Variants in SNX29 observed in about 807,000 individuals in gnomAD.
SNX29 encodes sorting nexin-29.
A neutral mutation model predicts 102.1 loss-of-function variants in SNX29; 78 were observed. The ratio of observed to expected loss-of-function variants is 0.76; its 90% CI spans 0.64 to 0.92. The LOEUF (loss-of-function observed/expected upper bound fraction) is 0.92. SNX29 is among the 40% of genes least tolerant of loss of function. SNX29 has a pLI of 0.00. For synonymous variants in SNX29, 580 were observed against 414.5 expected (o/e 1.40, Z -4.85); for missense variants, 1,280 against 1,061.7 (o/e 1.21, Z -2.86).
At chr16:12,397,810 T>C (rs953349628) in intron 16 of SNX29, among the ~76,000 whole-genome samples, 8 of 152,210 alleles carry the variant, frequency 5.3e-5, no homozygotes, top group Non-Finnish European at 1.0e-4. Flanking sequence ...GGGGGTCACG[T>C]GCACCTTTGA....
intron 19 of SNX29, among the ~76,000 whole-genome samples, chr16:12,514,755 C>G (rs543755691): frequency 5.9e-5 from 9 of 152,206 alleles, no homozygotes; most frequent in African/African-American, 2.2e-4. Context: ...ATCCCTCCTA[C>G]TCGGGAGGCT....
At position 12,464,315 on chromosome 16, in the gene SNX29, TTATC is replaced by T. The variant is rs1423678922; in HGVS notation, c.2038-13403_2038-13400del. Among the ~76,000 whole-genome samples, 5 of 152,288 alleles carry T rather than the reference TTATC, an allele frequency of 3.3e-5. No homozygotes were observed. In the East Asian group the frequency reaches 9.7e-4, roughly 29 times the overall value. ...AATATATAGACACACCACATTTTCT[TTATC>T]CATTCATCTGTTGACAGACACCTAG... On this transcript the variant is annotated intron_variant, in intron 18 of 20. Coordinates refer to ENST00000566228, the MANE Select transcript of SNX29 (RefSeq NM_032167.5).
intron 3 of SNX29, among the ~76,000 whole-genome samples, chr16:12,010,499 G>T (rs959848596): frequency 6.6e-6 from 1 of 152,064 alleles, no homozygotes; most frequent in Non-Finnish European, 1.5e-5. Context: ...GGTGGTGCAG[G>T]CCTGTGGTCT....
intron 18 of SNX29, among the ~76,000 whole-genome samples, chr16:12,477,103 C>T (rs1483720442): frequency 1.3e-5 from 2 of 152,204 alleles, no homozygotes; most frequent in Non-Finnish European, 2.9e-5. Flanking sequence ...TCTGTATCCC[C>T]AGAGTATTCT....
chr16:12,513,638 T>C (rs1434721937), intron 19 of SNX29, among the ~76,000 whole-genome samples: 1 of 152,180 alleles, frequency 6.6e-6, no homozygotes, highest in Admixed American at 6.5e-5. Flanking sequence ...TTGGCCCAGA[T>C]GGGAGCCTCA....
rs1598143416 is a variant in SNX29, at chr16:12,572,505, C to T, written c.*3876C>T. ...TCTTGGGGTTCCAGGCCTCGGCCTTCCTGCTCCACGTGCTCAAGCCCCCAC... is the reference window on the plus strand; with the variant it reads ...TCTTGGGGTTCCAGGCCTCGGCCTTTCTGCTCCACGTGCTCAAGCCCCCAC... On this transcript the variant is annotated 3_prime_UTR_variant, in exon 21 of 21. Coordinates refer to ENST00000566228, the MANE Select transcript of SNX29 (RefSeq NM_032167.5). 4 of 1,064,046 alleles carry T rather than the reference C, an allele frequency of 3.8e-6. No homozygotes were observed. The highest frequency in any genetic ancestry group is 5.3e-5 in the Admixed American group (1 of 18,700). 65.9% of individuals were successfully genotyped at this position (1,064,046 alleles called of 1,614,324 possible). A position where few individuals can be genotyped will look rare whatever the true frequency, so the allele number is the denominator to read the frequency against.
At chr16:12,508,960 G>A (rs373136808) in intron 19 of SNX29, among the ~76,000 whole-genome samples, 8 of 152,158 alleles carry the variant, frequency 5.3e-5, no homozygotes, top group Admixed American at 2.6e-4. Flanking sequence ...GTGAAATGTC[G>A]TTCAGGTTGG....
chr16:12,565,288 G>C (rs560703805), intron 20 of SNX29, among the ~76,000 whole-genome samples: 3 of 152,122 alleles, frequency 2.0e-5, no homozygotes, highest in African/African-American at 7.2e-5. Context: ...TACGCCAGCA[G>C]CCACCAGCAC....
chr16:12,465,985 A>G (rs1422958655), intron 18 of SNX29, among the ~76,000 whole-genome samples: 1 of 152,208 alleles, frequency 6.6e-6, no homozygotes, highest in Non-Finnish European at 1.5e-5. Context: ...GAGGTATAGA[A>G]GGATGTACCT....
chr16:12,359,677 A>G (rs983904947), intron 16 of SNX29, among the ~76,000 whole-genome samples: 5 of 152,224 alleles, frequency 3.3e-5, no homozygotes, highest in African/African-American at 1.2e-4. Context: ...ACTCAAGGTC[A>G]TTCTTGCTTT....
chr16:12,030,761 T>G (rs892305697), intron 4 of SNX29, among the ~76,000 whole-genome samples: 1 of 152,234 alleles, frequency 6.6e-6, no homozygotes, highest in African/African-American at 2.4e-5. Context: ...ATCCAGTGCG[T>G]GATCTGGCTT....
chr16:12,282,491 T>C (rs540276689), intron 15 of SNX29, among the ~76,000 whole-genome samples: 1 of 152,300 alleles, frequency 6.6e-6, no homozygotes. Flanking sequence ...GTATCTTCAT[T>C]GCCCAACCCA....
intron 16 of SNX29, among the ~76,000 whole-genome samples, chr16:12,392,691 T>C (rs2083571490): frequency 6.6e-6 from 1 of 152,254 alleles, no homozygotes; most frequent in African/African-American, 2.4e-5. Flanking sequence ...TTTAAAGCTC[T>C]TATTTGCCAA....
intron 20 of SNX29, among the ~76,000 whole-genome samples, chr16:12,545,787 C>T (rs778165814): frequency 6.6e-6 from 1 of 152,006 alleles, no homozygotes; most frequent in Non-Finnish European, 1.5e-5. Flanking sequence ...TACCTTTCAC[C>T]ACTAGGCATA....
chr16:12,051,697 T>G (rs1468714231), intron 7 of SNX29, 150 bp from the exon 8 acceptor site: 1 of 1,199,216 alleles, frequency 8.3e-7, no homozygotes, highest in Non-Finnish European at 1.1e-6. Flanking sequence ...ACACAGATTT[T>G]CACTGAGGAT....
At chr16:12,543,706 C>T (rs1027721997) in intron 20 of SNX29, among the ~76,000 whole-genome samples, 9 of 152,196 alleles carry the variant, frequency 5.9e-5, no homozygotes, top group African/African-American at 1.9e-4. Flanking sequence ...AAATATTAAC[C>T]ACGGGAATTA....
intron 19 of SNX29, among the ~76,000 whole-genome samples, chr16:12,502,671 A>G (rs1036229913): frequency 6.6e-6 from 1 of 152,204 alleles, no homozygotes; most frequent in Non-Finnish European, 1.5e-5. Context: ...CAAGTGATTA[A>G]TGGAAAAGAT....
At chr16:12,055,949 C>G (rs2050503578) in intron 8 of SNX29, among the ~76,000 whole-genome samples, 1 of 152,118 alleles carries the variant, frequency 6.6e-6, no homozygotes, top group South Asian at 2.1e-4. Flanking sequence ...GTGGTGCGAT[C>G]TCAGTTCACT....
chr16:12,110,769 GT>G (rs1372862701), intron 11 of SNX29, among the ~76,000 whole-genome samples: 12 of 152,162 alleles, frequency 7.9e-5, no homozygotes, highest in Admixed American at 7.9e-4. Context: ...TTTTAAGACA[GT>G]GTGGTGGCCT....
Sources: gnomAD v4.1 joint callset for allele counts (sites outside exome capture counted in the v4.1 genomes callset) on GRCh38, gnomAD v4.1.1 for gene constraint, MANE v1.5 for transcripts, NCBI Gene and HGNC (gene_info 2026-07-23, HGNC 2026-07-21) for gene names.